The following PRR16 variants were observed in gnomAD, a reference collection of about 807,000 sequenced individuals.
PRR16 encodes the protein proline rich 16, also known as protein Largen.
A neutral mutation model predicts 18.2 loss-of-function variants in PRR16; 6 were observed. The observed-to-expected ratio is 0.33, with a 90% CI of 0.18 to 0.65. The LOEUF (loss-of-function observed/expected upper bound fraction) is 0.65, where lower values mean the gene tolerates loss of function less well. Ranked by LOEUF, PRR16 falls within the 30% of genes least tolerant of loss-of-function variation. The pLI is 0.74. For synonymous variants in PRR16, 151 were observed against 147.8 expected (o/e 1.02, Z -0.16); for missense variants, 412 against 376.6 (o/e 1.09, Z -0.78).
chr5:120,507,911 T>G (rs1287444525), intron 1 of PRR16, among the ~76,000 whole-genome samples: 1 of 152,134 alleles, frequency 6.6e-6, no homozygotes, highest in Non-Finnish European at 1.5e-5. Context: ...AGTGCATTTA[T>G]AACAAGGGCA....
chr5:120,495,588 C>T (rs1287693826), intron 1 of PRR16, among the ~76,000 whole-genome samples: 3 of 152,046 alleles, frequency 2.0e-5, no homozygotes, highest in Non-Finnish European at 4.4e-5. Context: ...AAATATTTTC[C>T]ATTCACAGTT....
chr5:120,748,227 A>G, the PRR16 span, among the ~76,000 whole-genome samples: 1 of 152,106 alleles, frequency 6.6e-6, no homozygotes, highest in Non-Finnish European at 1.5e-5. Flanking sequence ...ACATGGTTTC[A>G]TGACATGTTC....
At chr5:120,599,420 C>T (rs1315742384) in intron 1 of PRR16, among the ~76,000 whole-genome samples, 2 of 151,796 alleles carry the variant, frequency 1.3e-5, no homozygotes, top group Admixed American at 1.3e-4. Flanking sequence ...TTTATATTTA[C>T]TCACTGGTTC....
intron 1 of PRR16, among the ~76,000 whole-genome samples, chr5:120,527,757 T>G (rs533571395): frequency 6.6e-6 from 1 of 152,304 alleles, no homozygotes; most frequent in East Asian, 1.9e-4. Flanking sequence ...AATGCCTTCC[T>G]ATTTGAGTGT....
At chr5:120,760,548 A>G in the PRR16 span, among the ~76,000 whole-genome samples, 1 of 152,130 alleles carries the variant, frequency 6.6e-6, no homozygotes, top group African/African-American at 2.4e-5. Flanking sequence ...TTAAGGTACT[A>G]CAGGACTGAG....
intron 1 of PRR16, among the ~76,000 whole-genome samples, chr5:120,492,356 A>G (rs1561514735): frequency 1.3e-5 from 2 of 151,162 alleles, no homozygotes; most frequent in Non-Finnish European, 2.9e-5. Context: ...CCTGAGTTCA[A>G]GTGATTGTCT....
chr5:120,489,389 C>A (rs534052464), intron 1 of PRR16, among the ~76,000 whole-genome samples: 77 of 152,224 alleles, frequency 5.1e-4, no homozygotes, highest in Non-Finnish European at 9.6e-4. Context: ...TTGAATTGAT[C>A]CCTTTACCAT....
intron 1 of PRR16, among the ~76,000 whole-genome samples, chr5:120,494,072 A>G (rs2112832359): frequency 6.6e-6 from 1 of 152,320 alleles, no homozygotes; most frequent in East Asian, 1.9e-4. Context: ...TACTGGATCA[A>G]ATGCCAGTTA....
chr5:120,769,300 T>C, the PRR16 span, among the ~76,000 whole-genome samples: 1 of 151,796 alleles, frequency 6.6e-6, no homozygotes, highest in Non-Finnish European at 1.5e-5. Context: ...GTAATGGCAA[T>C]AGACGTATAC....
chr5:120,484,321 C>G (rs1338227157), intron 1 of PRR16, among the ~76,000 whole-genome samples: 2 of 141,508 alleles, frequency 1.4e-5, no homozygotes, highest in Non-Finnish European at 3.0e-5. Context: ...TATAATTTAT[C>G]TTATATATAA....
At chr5:120,760,123 T>C in the PRR16 span, among the ~76,000 whole-genome samples, 2 of 152,144 alleles carry the variant, frequency 1.3e-5, no homozygotes, top group Non-Finnish European at 2.9e-5. Flanking sequence ...ACTACACATG[T>C]ATAATTGAAT....
At chr5:120,496,938 C>T (rs1750265251) in intron 1 of PRR16, among the ~76,000 whole-genome samples, 1 of 151,918 alleles carries the variant, frequency 6.6e-6, no homozygotes. Flanking sequence ...TTTTAATTTT[C>T]CTTGAGATTT....
intron 1 of PRR16, among the ~76,000 whole-genome samples, chr5:120,643,299 G>A (rs530654820): frequency 6.3e-4 from 96 of 151,936 alleles, no homozygotes; most frequent in African/African-American, 2.1e-3. Context: ...GAGTTAAGTC[G>A]TTTGAAAATA....
intron 1 of PRR16, among the ~76,000 whole-genome samples, chr5:120,652,347 T>C (rs564401016): frequency 3.3e-5 from 5 of 152,224 alleles, no homozygotes; most frequent in African/African-American, 1.2e-4. Context: ...TTTGGAGTCA[T>C]ATAAGCTTGT....
At chr5:120,694,639 T>C in the PRR16 span, among the ~76,000 whole-genome samples, 9 of 149,904 alleles carry the variant, frequency 6.0e-5, no homozygotes, top group African/African-American at 7.4e-5. Context: ...GAGCCGAGAT[T>C]GCGCCACTGC....
In PRR16 at chr5:120,686,934, G is replaced by T. The variant is rs1445551383; in HGVS notation, c.*225G>T. 5.6e-6 allele frequency: 2 copies of T among 357,246 alleles called. No homozygotes were observed. The highest frequency in any genetic ancestry group is 1.3e-4 in the South Asian group (1 of 7,728). The allele number at this position is 357,246 out of a possible 1,614,324, so 22.1% of individuals were successfully genotyped here. The stretch of plus-strand genomic sequence containing the variant: ...AAAACCTCAGAATGATGAAAAATAT[G>T]AATGATGCATTGTTTTTGCAATTGA... On this transcript the variant is annotated 3_prime_UTR_variant, in exon 2 of 2. Coordinates refer to ENST00000407149, the MANE Select transcript of PRR16 (RefSeq NM_001300783.2).
chr5:120,617,604 TAAC>T (rs1387095679), intron 1 of PRR16, among the ~76,000 whole-genome samples: 3 of 152,162 alleles, frequency 2.0e-5, no homozygotes, highest in African/African-American at 7.2e-5. Context: ...CACTTTTTAT[TAAC>T]AAAATCAGTT....
At chr5:120,511,311 G>A (rs1236399301) in intron 1 of PRR16, among the ~76,000 whole-genome samples, 2 of 151,976 alleles carry the variant, frequency 1.3e-5, no homozygotes, top group African/African-American at 2.4e-5. Flanking sequence ...ATATTTTTGG[G>A]CCAAAATGGA....
chr5:120,751,965 A>T, the PRR16 span, among the ~76,000 whole-genome samples: 1 of 152,060 alleles, frequency 6.6e-6, no homozygotes. Flanking sequence ...AAAGATTTCC[A>T]CTTTATCTTT....
Sources: gnomAD v4.1 joint callset for allele counts (sites outside exome capture counted in the v4.1 genomes callset) on GRCh38, gnomAD v4.1.1 for gene constraint, MANE v1.5 for transcripts, NCBI Gene and HGNC (gene_info 2026-07-23, HGNC 2026-07-21) for gene names.